BFSP2: variants seen among roughly 807,000 people sequenced by gnomAD.
BFSP2 encodes the protein beaded filament structural protein 2, also known as phakinin.
In BFSP2, 38 loss-of-function variants were observed where a neutral mutation model predicts 44.9. The ratio of observed to expected loss-of-function variants is 0.85; its 90% CI spans 0.65 to 1.11. The LOEUF is 1.11. BFSP2 is among the 50% of genes least tolerant of loss of function. The probability of loss-of-function intolerance (pLI) is 0.00; values close to 1 mark genes in which losing one functional copy is unlikely to be tolerated. For missense variants in BFSP2, 525 were observed against 533.0 expected, an observed-to-expected ratio of 0.99 and a Z score of 0.15; for synonymous variants, 197 against 209.9, an observed-to-expected ratio of 0.94 and a Z score of 0.53.
rs946314470 is a variant in BFSP2 at position 133,433,528 on chromosome 3, G to A, written c.490-13789G>A. On this transcript the variant is annotated intron_variant, in intron 1 of 6. Transcript: ENST00000302334. ...GCAAATTAGCTTTACTCAAAGCCCC[G>A]AGTCAGATAACTAAACTACCTCTTA... 3.9e-5 allele frequency among the ~76,000 whole-genome samples: 6 copies of A among 152,236 alleles called. No individual in the cohort carries two copies. The South Asian group carries it at 8.3e-4, about 21-fold the overall frequency.
At chr3:133,466,684 A>AAAAAAAAAAAT in intron 4 of BFSP2, 144 bp from the exon 5 acceptor site, 1 of 553,366 alleles carries the variant, frequency 1.8e-6, no homozygotes, top group Non-Finnish European at 2.9e-6. Context: ...CAACAAAAAA[A>AAAAAAAAAAAT]AAAAAAAAAA....
intron 4 of BFSP2, among the ~76,000 whole-genome samples, chr3:133,452,455 C>T (rs760124048): frequency 1.2e-4 from 18 of 152,148 alleles, no homozygotes; most frequent in Non-Finnish European, 2.4e-4. Flanking sequence ...AATGACTTCC[C>T]CTCGCCCCAC....
At chr3:133,426,090 G>A (rs1249636985) in intron 1 of BFSP2, among the ~76,000 whole-genome samples, 1 of 145,652 alleles carries the variant, frequency 6.9e-6, no homozygotes, top group African/African-American at 2.5e-5. Context: ...CACAGCATCT[G>A]GGTCCGGCTA....
intron 1 of BFSP2, among the ~76,000 whole-genome samples, chr3:133,442,262 C>T (rs1035201266): frequency 2.0e-5 from 3 of 152,200 alleles, no homozygotes; most frequent in Non-Finnish European, 4.4e-5. Flanking sequence ...ACATCAGTCT[C>T]CCAAGTAGCT....
At chr3:133,420,008 G>C (rs923222788) in intron 1 of BFSP2, among the ~76,000 whole-genome samples, 7 of 152,228 alleles carry the variant, frequency 4.6e-5, no homozygotes, top group African/African-American at 1.7e-4. Flanking sequence ...CCCGACAGGG[G>C]CGATCACCTC....
rs201923557 is a variant in BFSP2, at chr3:133,472,484, G to A, written c.1163G>A (p.Arg388His). The change falls in exon 6 of 7, where the codon CGC (arginine) becomes CAC (histidine). Residue 388 changes from arginine (R) to histidine (H), a missense_variant. Arg to His is a conservative substitution (Grantham distance 29). Transcript: ENST00000302334. ...RAEAEQQQQE[R>H]AHLLARKCQL... Reference sequence around the variant, plus strand: ...GAGGCGGAGCAGCAGCAACAGGAGCGCGCGCATCTGCTGGCCCGCAAGTGC... The same window carrying A: ...GAGGCGGAGCAGCAGCAACAGGAGCACGCGCATCTGCTGGCCCGCAAGTGC... The A allele has an allele frequency of 1.9e-5, 31 of 1,613,642 alleles. No homozygotes were observed. The East Asian group carries it at 2.2e-4, about 12-fold the overall frequency.
intron 1 of BFSP2, among the ~76,000 whole-genome samples, chr3:133,437,476 T>C (rs1238312258): frequency 6.7e-6 from 1 of 149,200 alleles, no homozygotes; most frequent in African/African-American, 2.5e-5. Context: ...CGAGCCGAGA[T>C]CACGCCATTG....
chr3:133,442,992 G>A (rs1322799459), intron 1 of BFSP2, among the ~76,000 whole-genome samples: 1 of 151,956 alleles, frequency 6.6e-6, no homozygotes, highest in Non-Finnish European at 1.5e-5. Context: ...TAAATAGCTG[G>A]AATTACAGGT....
chr3:133,402,631 G>C (rs1366960938), intron 1 of BFSP2, among the ~76,000 whole-genome samples: 1 of 151,528 alleles, frequency 6.6e-6, no homozygotes, highest in Admixed American at 6.6e-5. Flanking sequence ...TGATAAAATG[G>C]AGTTATTATT....
At chr3:133,429,050 C>T (rs1267698032) in intron 1 of BFSP2, among the ~76,000 whole-genome samples, 1 of 152,008 alleles carries the variant, frequency 6.6e-6, no homozygotes, top group Non-Finnish European at 1.5e-5. Flanking sequence ...AACCTGAAAT[C>T]AAAGATTTTA....
chr3:133,438,545 CAAAAAAA>C (rs2073813602), intron 1 of BFSP2, among the ~76,000 whole-genome samples: 1 of 150,082 alleles, frequency 6.7e-6, no homozygotes, highest in Admixed American at 6.6e-5. Flanking sequence ...AGAAACAAAA[CAAAAAAA>C]GAAAAAAGAA....
chr3:133,471,536 G>A (rs2074161620), intron 5 of BFSP2, among the ~76,000 whole-genome samples: 1 of 152,214 alleles, frequency 6.6e-6, no homozygotes, highest in African/African-American at 2.4e-5. Flanking sequence ...TGAGGTCTGA[G>A]TATATGTTTC....
intron 1 of BFSP2, among the ~76,000 whole-genome samples, chr3:133,416,359 C>T (rs1275871221): frequency 4.0e-5 from 6 of 148,162 alleles, no homozygotes; most frequent in East Asian, 2.1e-4. Flanking sequence ...GTCCTGTCCC[C>T]TCTACTCATG....
intron 1 of BFSP2, among the ~76,000 whole-genome samples, chr3:133,420,618 T>C (rs1304272594): frequency 6.6e-6 from 1 of 152,202 alleles, no homozygotes; most frequent in Non-Finnish European, 1.5e-5. Context: ...GGCCATGGTT[T>C]TCCTTCCTTA....
chr3:133,461,311 T>G (rs1479230344), intron 4 of BFSP2, among the ~76,000 whole-genome samples: 4 of 152,346 alleles, frequency 2.6e-5, no homozygotes, highest in South Asian at 4.1e-4. Context: ...CTAATTTAAT[T>G]TGAAATTTTT....
chr3:133,439,938 G>C (rs1209922306), intron 1 of BFSP2, among the ~76,000 whole-genome samples: 2 of 152,060 alleles, frequency 1.3e-5, no homozygotes, highest in East Asian at 1.9e-4. Flanking sequence ...CAGAGAGAGA[G>C]AGAGAGAAAG....
chr3:133,423,970 C>T (rs980316132), intron 1 of BFSP2, among the ~76,000 whole-genome samples: 12 of 152,060 alleles, frequency 7.9e-5, no homozygotes, highest in African/African-American at 1.7e-4. Flanking sequence ...TATAAATCAA[C>T]CATAAAATTT....
intron 1 of BFSP2, among the ~76,000 whole-genome samples, chr3:133,443,460 G>A (rs866204745): frequency 5.3e-5 from 8 of 152,286 alleles, no homozygotes; most frequent in African/African-American, 1.4e-4. Context: ...AAGAAAGAAT[G>A]GTCAATGAAG....
At chr3:133,444,117 T>A (rs1026440273) in intron 1 of BFSP2, among the ~76,000 whole-genome samples, 7 of 151,498 alleles carry the variant, frequency 4.6e-5, no homozygotes, top group Admixed American at 2.0e-4. Flanking sequence ...TATATATACA[T>A]ATATATATAT....
Sources: allele counts gnomAD v4.1 joint callset (sites outside exome capture counted in the v4.1 genomes callset), GRCh38; gene constraint gnomAD v4.1.1; transcripts MANE v1.5; gene names NCBI Gene and HGNC (gene_info 2026-07-23, HGNC 2026-07-21).